Variants in ZFPM2 observed in about 807,000 individuals in gnomAD.
ZFPM2 encodes zinc finger protein, FOG family member 2.
Under a neutral mutation model 98.6 loss-of-function variants are expected in ZFPM2, and 20 were observed. That is an observed-to-expected ratio of 0.20 (90% CI 0.14 to 0.29). ZFPM2 has a LOEUF of 0.29. Ranked by LOEUF, ZFPM2 falls within the 10% of genes least tolerant of loss-of-function variation. The probability of loss-of-function intolerance (pLI) is 1.00; values close to 1 mark genes in which losing one functional copy is unlikely to be tolerated. For synonymous variants in ZFPM2, 518 were observed against 502.7 expected (o/e 1.03, Z -0.41); for missense variants, 1,310 against 1,388.6 (o/e 0.94, Z 0.90).
chr8:105,694,635 T>C (rs1278837089), intron 5 of ZFPM2, among the ~76,000 whole-genome samples: 6 of 152,176 alleles, frequency 3.9e-5, no homozygotes, highest in South Asian at 2.1e-4. Flanking sequence ...ATTTGATGAA[T>C]TGGATATTTC....
chr8:105,331,909 C>G (rs1812240616), intron 1 of ZFPM2, among the ~76,000 whole-genome samples: 1 of 151,698 alleles, frequency 6.6e-6, no homozygotes, highest in African/African-American at 2.4e-5. Context: ...CACTTCACCT[C>G]TCTTCCAGTG....
chr8:105,359,952 A>G (rs2941657), intron 1 of ZFPM2, among the ~76,000 whole-genome samples: 66,055 of 152,146 alleles, frequency 0.43, 16,575 homozygotes, highest in Middle Eastern at 0.59. Context: ...AGTCTTCTCT[A>G]AGAGTAAATG....
intron 1 of ZFPM2, among the ~76,000 whole-genome samples, chr8:105,326,174 A>G (rs1686640913): frequency 6.6e-6 from 1 of 151,704 alleles, no homozygotes; most frequent in Admixed American, 6.6e-5. Flanking sequence ...AATAAGGTGA[A>G]GGAATAAATG....
chr8:105,470,260 G>A (rs1019546039), intron 3 of ZFPM2, among the ~76,000 whole-genome samples: 3 of 152,082 alleles, frequency 2.0e-5, no homozygotes, highest in African/African-American at 7.2e-5. Context: ...CAGGAGCCGG[G>A]ACACCGAACT....
chr8:105,728,915 A>C (rs1428035077), intron 5 of ZFPM2, among the ~76,000 whole-genome samples: 1 of 151,716 alleles, frequency 6.6e-6, no homozygotes, highest in Non-Finnish European at 1.5e-5. Context: ...GCTTTCAGAT[A>C]CATCATCTCA....
rs879386999 is a variant in ZFPM2 at position 105,318,679 on chromosome 8, C to T, written c.-263C>T. The stretch of plus-strand genomic sequence containing the variant: ...GTTCGCTTGTACATTCCCATTCTCC[C>T]CCCGTCGCTCTCCTCTCCCCCTCCC... On this transcript the variant is annotated 5_prime_UTR_variant, in exon 1 of 8. Transcript: ENST00000407775. 1.3e-5 allele frequency: 2 copies of T among 151,482 alleles called. No homozygotes were observed. The highest frequency in any genetic ancestry group is 2.9e-5 in the Non-Finnish European group (2 of 67,990). 9.4% of individuals were successfully genotyped at this position (151,482 alleles called of 1,614,324 possible).
intron 4 of ZFPM2, among the ~76,000 whole-genome samples, chr8:105,589,868 C>T (rs1168287507): frequency 3.3e-5 from 5 of 151,260 alleles, no homozygotes; most frequent in Non-Finnish European, 7.4e-5. Context: ...ATTACAGGCA[C>T]GTGCCACCAA....
At chr8:105,537,851 C>T (rs1814487684) in intron 3 of ZFPM2, among the ~76,000 whole-genome samples, 1 of 152,194 alleles carries the variant, frequency 6.6e-6, no homozygotes, top group African/African-American at 2.4e-5. Flanking sequence ...CTGCCTCAGC[C>T]TCCCTAGTAG....
rs373940471 is a variant in ZFPM2, at chr8:105,455,384, T to A, written c.301+11003T>A. Reference sequence around the variant, plus strand: ...GAATAACCTGGGCAGAATATGCAGCTTTTTCAAAACCGTTGTCATGAGAAG... The same window carrying A: ...GAATAACCTGGGCAGAATATGCAGCATTTTCAAAACCGTTGTCATGAGAAG... On this transcript the variant is annotated intron_variant, in intron 3 of 7. Coordinates refer to ENST00000407775, the MANE Select transcript of ZFPM2 (RefSeq NM_012082.4). 1.4e-3 allele frequency among the ~76,000 whole-genome samples: 211 copies of A among 152,254 alleles called. 1 individual carries two copies. Among genetic ancestry groups the A allele is most frequent in the African/African-American group, 4.8e-3 (199 of 41,556 alleles).
intron 1 of ZFPM2, among the ~76,000 whole-genome samples, chr8:105,414,691 C>A (rs537472332): frequency 6.6e-6 from 1 of 151,952 alleles, no homozygotes; most frequent in South Asian, 2.1e-4. Context: ...CTTTAGCCCC[C>A]TGAAATTGTA....
intron 3 of ZFPM2, among the ~76,000 whole-genome samples, chr8:105,530,452 A>G (rs981439442): frequency 6.6e-6 from 1 of 152,126 alleles, no homozygotes; most frequent in Non-Finnish European, 1.5e-5. Flanking sequence ...TTTTTCACAG[A>G]TCGGGAGGCT....
chr8:105,446,779 AT>A (rs1300650863), intron 3 of ZFPM2, among the ~76,000 whole-genome samples: 1 of 152,056 alleles, frequency 6.6e-6, no homozygotes, highest in East Asian at 1.9e-4. Context: ...ATAAATAACA[AT>A]TTTTTTCTCT....
At chr8:105,409,411 A>C (rs756954386) in intron 1 of ZFPM2, among the ~76,000 whole-genome samples, 20 of 151,904 alleles carry the variant, frequency 1.3e-4, no homozygotes, top group Non-Finnish European at 2.5e-4. Context: ...TCTGTCCCAG[A>C]ATCATCTGAA....
intron 3 of ZFPM2, among the ~76,000 whole-genome samples, chr8:105,490,799 C>G (rs1273305561): frequency 1.3e-5 from 2 of 152,036 alleles, no homozygotes; most frequent in Admixed American, 1.3e-4. Context: ...AACTTCCAAT[C>G]TAATATAAAA....
chr8:105,654,930 T>A (rs1162661673), intron 5 of ZFPM2, among the ~76,000 whole-genome samples: 1 of 152,238 alleles, frequency 6.6e-6, no homozygotes, highest in East Asian at 1.9e-4. Flanking sequence ...TTCTATGATA[T>A]AAAGTTTATT....
intron 3 of ZFPM2, among the ~76,000 whole-genome samples, chr8:105,455,530 A>G (rs183085452): frequency 1.6e-4 from 25 of 152,292 alleles, no homozygotes; most frequent in Non-Finnish European, 3.1e-4. Flanking sequence ...TATTGGATTT[A>G]AACTCAAAGC....
intron 1 of ZFPM2, among the ~76,000 whole-genome samples, chr8:105,406,927 G>A (rs928763405): frequency 2.6e-5 from 4 of 151,876 alleles, no homozygotes; most frequent in African/African-American, 7.2e-5. Flanking sequence ...TCTTCCATAC[G>A]TTTTTGAGGC....
At chr8:105,630,747 T>C (rs575254340) in intron 4 of ZFPM2, among the ~76,000 whole-genome samples, 6 of 152,168 alleles carry the variant, frequency 3.9e-5, no homozygotes, top group Non-Finnish European at 8.8e-5. Context: ...AAAATGTTAG[T>C]ACCTAACTTC....
chr8:105,659,944 C>A (rs2130884256), intron 5 of ZFPM2, among the ~76,000 whole-genome samples: 1 of 152,238 alleles, frequency 6.6e-6, no homozygotes, highest in East Asian at 1.9e-4. Flanking sequence ...CACTAGCATT[C>A]ATTAGGAAAC....
Sources: gnomAD v4.1 joint callset for allele counts (sites outside exome capture counted in the v4.1 genomes callset) on GRCh38, gnomAD v4.1.1 for gene constraint, MANE v1.5 for transcripts, NCBI Gene and HGNC (gene_info 2026-07-23, HGNC 2026-07-21) for gene names.